Variants in KIAA0825 observed in about 807,000 individuals in gnomAD.
KIAA0825 encodes the protein uncharacterized protein KIAA0825.
Under a neutral mutation model 147.6 loss-of-function variants are expected in KIAA0825, and 119 were observed. The ratio of observed to expected loss-of-function variants is 0.81; its 90% CI spans 0.69 to 0.94. KIAA0825 has a LOEUF of 0.94. KIAA0825 is among the 40% of genes least tolerant of loss of function. The probability of loss-of-function intolerance (pLI) is 0.00; values close to 1 mark genes in which losing one functional copy is unlikely to be tolerated. For synonymous variants in KIAA0825, 470 were observed against 518.1 expected (o/e 0.91, Z 1.26); for missense variants, 1,381 against 1,472.7 (o/e 0.94, Z 1.02).
chr5:94,406,251 T>C (rs370471080), intron 15 of KIAA0825, among the ~76,000 whole-genome samples: 1 of 152,152 alleles, frequency 6.6e-6, no homozygotes, highest in East Asian at 1.9e-4. Context: ...CAGTCCTCTA[T>C]AAAAAGTGTT....
chr5:94,169,736 G>A (rs958150986), intron 20 of KIAA0825, among the ~76,000 whole-genome samples: 4 of 152,068 alleles, frequency 2.6e-5, no homozygotes, highest in African/African-American at 9.7e-5. Context: ...GAATGACTAT[G>A]TTCGGAGCAC....
At chr5:94,590,324 C>A (rs534418553) in intron 1 of KIAA0825, among the ~76,000 whole-genome samples, 1 of 152,132 alleles carries the variant, frequency 6.6e-6, no homozygotes, top group Non-Finnish European at 1.5e-5. Flanking sequence ...ATTTATTTGT[C>A]CTCATATTGC....
chr5:94,270,761 C>T (rs889526773), intron 20 of KIAA0825, among the ~76,000 whole-genome samples: 13 of 151,932 alleles, frequency 8.6e-5, no homozygotes, highest in African/African-American at 3.1e-4. Context: ...AAAATACAGA[C>T]ACATATAATG....
At chr5:94,356,471 G>T (rs984184939) in intron 20 of KIAA0825, among the ~76,000 whole-genome samples, 4 of 151,470 alleles carry the variant, frequency 2.6e-5, no homozygotes, top group Admixed American at 6.6e-5. Context: ...AATTAGCCTG[G>T]TGTGGTCGCG....
At chr5:94,498,783 T>C (rs956317184) in intron 5 of KIAA0825, among the ~76,000 whole-genome samples, 1 of 152,200 alleles carries the variant, frequency 6.6e-6, no homozygotes, top group Admixed American at 6.5e-5. Context: ...TGGTACTGTC[T>C]GGACTGCAAG....
chr5:94,411,327 C>A (rs188124888), intron 15 of KIAA0825, among the ~76,000 whole-genome samples: 1 of 152,020 alleles, frequency 6.6e-6, no homozygotes, highest in East Asian at 1.9e-4. Context: ...AAGCAAGTAA[C>A]AATATAAACC....
In KIAA0825 at chr5:94,205,538, G is replaced by A. The variant is rs140175369; in HGVS notation, c.3711-51414C>T. On this transcript the variant is annotated intron_variant, in intron 20 of 20. Coordinates refer to ENST00000682413, the MANE Select transcript of KIAA0825 (RefSeq NM_001145678.3). Reference sequence around the variant, plus strand: ...GATCTCCTGACCTCGTGATCCGCCCGCCTTGGCCTCCCAAAGTGCTGGGAT... The same window carrying A: ...GATCTCCTGACCTCGTGATCCGCCCACCTTGGCCTCCCAAAGTGCTGGGAT... 8.0e-3 allele frequency among the ~76,000 whole-genome samples: 1,210 copies of A among 151,864 alleles called. 18 individuals carry two copies. Among genetic ancestry groups the A allele is most frequent in the African/African-American group, 0.027 (1,134 of 41,434 alleles).
At chr5:94,190,133 G>A (rs1430124102) in intron 20 of KIAA0825, among the ~76,000 whole-genome samples, 2 of 151,948 alleles carry the variant, frequency 1.3e-5, no homozygotes, top group Non-Finnish European at 2.9e-5. Flanking sequence ...TTTGTATCCT[G>A]CAATCTTGCT....
chr5:94,218,896 T>A (rs1292685761), intron 20 of KIAA0825, among the ~76,000 whole-genome samples: 2 of 152,208 alleles, frequency 1.3e-5, no homozygotes, highest in African/African-American at 4.8e-5. Context: ...TTGTTGTTCC[T>A]TCCTATGACA....
chr5:94,404,795 C>A (rs950260688), intron 15 of KIAA0825, among the ~76,000 whole-genome samples: 1 of 151,964 alleles, frequency 6.6e-6, no homozygotes, highest in African/African-American at 2.4e-5. Context: ...AGAATACCTG[C>A]ATCATTATCT....
chr5:94,397,260 C>T (rs146090864), intron 16 of KIAA0825, among the ~76,000 whole-genome samples: 50 of 152,248 alleles, frequency 3.3e-4, no homozygotes, highest in Admixed American at 7.8e-4. Context: ...TCTTGCTTAC[C>T]TCCATCTCTC....
intron 20 of KIAA0825, among the ~76,000 whole-genome samples, chr5:94,205,334 C>T (rs1027119189): frequency 1.4e-5 from 2 of 138,988 alleles, no homozygotes; most frequent in Non-Finnish European, 3.1e-5. Flanking sequence ...CGGAGTCTTG[C>T]TCTGTCACCC....
At chr5:94,606,350 A>C (rs561719267) in intron 1 of KIAA0825, among the ~76,000 whole-genome samples, 1 of 152,356 alleles carries the variant, frequency 6.6e-6, no homozygotes, top group South Asian at 2.1e-4. Flanking sequence ...TTATAGATTC[A>C]ATGCTATTCC....
At position 94,346,170 on chromosome 5, in the gene KIAA0825, C is replaced by T. The variant is rs181461777; in HGVS notation, c.3710+38198G>A. On this transcript the variant is annotated intron_variant, in intron 20 of 20. Transcript: ENST00000682413. The stretch of plus-strand genomic sequence containing the variant: ...GATAAGACAATATGAGGGGTGGTCT[C>T]CTCCCTTACTATCATTCAATAGTCA... 1.5e-3 allele frequency among the ~76,000 whole-genome samples: 229 copies of T among 152,156 alleles called. 1 individual carries two copies. Among genetic ancestry groups the T allele is most frequent in the Non-Finnish European group, 2.5e-3 (170 of 68,002 alleles).
intron 13 of KIAA0825, among the ~76,000 whole-genome samples, chr5:94,442,410 A>G (rs912635103): frequency 2.0e-5 from 3 of 152,132 alleles, no homozygotes; most frequent in African/African-American, 4.8e-5. Context: ...AGTGGTAAAG[A>G]GAGAAGAAGG....
intron 20 of KIAA0825, among the ~76,000 whole-genome samples, chr5:94,205,362 C>T (rs1034413731): frequency 4.1e-5 from 6 of 146,498 alleles, no homozygotes; most frequent in Non-Finnish European, 7.4e-5. Flanking sequence ...AGTGTTGTGG[C>T]GTGATCTCGG....
intron 20 of KIAA0825, among the ~76,000 whole-genome samples, chr5:94,236,599 T>G (rs1322945412): frequency 6.6e-6 from 1 of 152,212 alleles, no homozygotes; most frequent in Admixed American, 6.5e-5. Flanking sequence ...AAAGAAGTTC[T>G]ACTGTGGGTA....
In KIAA0825 at chr5:94,465,052, C is replaced by G; in HGVS notation, c.1880G>C (p.Arg627Thr). 6.4e-7 allele frequency: 1 copy of G among 1,551,232 alleles called. No homozygotes were observed. The highest frequency in any genetic ancestry group is 1.2e-5 in the South Asian group (1 of 83,978). The stretch of plus-strand genomic sequence containing the variant: ...CCACATCTGGATCGAGAAGGAACAT[C>G]TTTCCCCCTGGCAAAGCCAGCACAC... Reference protein sequence around the residue: ...DDYKAFYEGERCSFSIQMWHY... With the variant: ...DDYKAFYEGETCSFSIQMWHY... Residue 627 changes from arginine to threonine, a missense_variant, in exon 11 of 21, where the codon AGA becomes ACA. By Grantham distance (71) the Arg-to-Thr change is moderately conservative. Coordinates refer to ENST00000682413, the MANE Select transcript of KIAA0825 (RefSeq NM_001145678.3).
intron 1 of KIAA0825, among the ~76,000 whole-genome samples, chr5:94,608,474 A>ATATATT (rs1491366946): frequency 6.9e-5 from 1 of 14,524 alleles, no homozygotes; most frequent in Non-Finnish European, 1.2e-4. Flanking sequence ...TTATATATAT[A>ATATATT]ATATATATAT....
Sources: allele counts gnomAD v4.1 joint callset (sites outside exome capture counted in the v4.1 genomes callset), GRCh38; gene constraint gnomAD v4.1.1; transcripts MANE v1.5; gene names NCBI Gene and HGNC (gene_info 2026-07-23, HGNC 2026-07-21).